Variants in CNTNAP5 observed in about 807,000 individuals in gnomAD.
CNTNAP5 encodes contactin-associated protein-like 5.
CNTNAP5 carries 72 observed loss-of-function variants against 150.2 expected under a neutral mutation model. The observed-to-expected ratio is 0.48, with a 90% CI of 0.40 to 0.58. The LOEUF is 0.58. Ranked by LOEUF, CNTNAP5 falls within the 20% of genes least tolerant of loss-of-function variation. The probability of loss-of-function intolerance (pLI) is 0.00; values close to 1 mark genes in which losing one functional copy is unlikely to be tolerated. For missense variants in CNTNAP5, 1,636 were observed against 1,626.2 expected, an observed-to-expected ratio of 1.01 and a Z score of -0.10; for synonymous variants, 672 against 619.8, an observed-to-expected ratio of 1.08 and a Z score of -1.25.
chr2:124,413,816 G>A, intron 3 of CNTNAP5, among the ~76,000 whole-genome samples: 1 of 133,246 alleles, frequency 7.5e-6, no homozygotes, highest in South Asian at 2.6e-4. Context: ...CACCAGCATG[G>A]CACATGTATA....
intron 1 of CNTNAP5, among the ~76,000 whole-genome samples, chr2:124,085,613 TG>T (rs1236648023): frequency 4.6e-5 from 7 of 152,362 alleles, no homozygotes; most frequent in African/African-American, 1.7e-4. Context: ...ATGATTGACT[TG>T]AACTCTTTTC....
At chr2:124,320,110 T>C (rs1356280895) in intron 3 of CNTNAP5, among the ~76,000 whole-genome samples, 1 of 152,244 alleles carries the variant, frequency 6.6e-6, no homozygotes, top group Non-Finnish European at 1.5e-5. Context: ...ATTTACGTCG[T>C]AACATACAAT....
chr2:124,677,874 C>T (rs531116947), intron 13 of CNTNAP5, among the ~76,000 whole-genome samples: 51 of 151,932 alleles, frequency 3.4e-4, no homozygotes, highest in South Asian at 2.9e-3. Flanking sequence ...ATAATTCAGC[C>T]GAGAGACCAA....
chr2:124,150,105 A>G (rs1684369027), intron 1 of CNTNAP5, among the ~76,000 whole-genome samples: 1 of 152,214 alleles, frequency 6.6e-6, no homozygotes, highest in Non-Finnish European at 1.5e-5. Context: ...AAGGGATGAA[A>G]TCCTAATCAG....
chr2:124,208,864 T>C (rs751876198), intron 1 of CNTNAP5, among the ~76,000 whole-genome samples: 2 of 152,244 alleles, frequency 1.3e-5, no homozygotes, highest in African/African-American at 4.8e-5. Context: ...ATAGTTATAA[T>C]TGCAAAGCTG....
chr2:124,299,850 C>T (rs964516670), intron 3 of CNTNAP5, among the ~76,000 whole-genome samples: 9 of 152,156 alleles, frequency 5.9e-5, no homozygotes, highest in Non-Finnish European at 1.0e-4. Context: ...TGCCTGGTGT[C>T]TGAGGTCACA....
intron 13 of CNTNAP5, among the ~76,000 whole-genome samples, chr2:124,690,196 A>T (rs193229156): frequency 6.6e-6 from 1 of 152,148 alleles, no homozygotes; most frequent in African/African-American, 2.4e-5. Context: ...AAGGTCTATT[A>T]TAGAAATGTG....
chr2:124,104,650 A>G (rs1683136175), intron 1 of CNTNAP5, among the ~76,000 whole-genome samples: 1 of 152,194 alleles, frequency 6.6e-6, no homozygotes, highest in Admixed American at 6.5e-5. Context: ...GCACTTTCCT[A>G]TAATTTTATT....
chr2:124,068,977 A>C (rs1475228988), intron 1 of CNTNAP5, among the ~76,000 whole-genome samples: 1 of 152,032 alleles, frequency 6.6e-6, no homozygotes, highest in African/African-American at 2.4e-5. Context: ...AGAAATTCTG[A>C]GACATACTCA....
intron 21 of CNTNAP5, among the ~76,000 whole-genome samples, chr2:124,877,531 T>C (rs1026490522): frequency 4.6e-5 from 7 of 152,266 alleles, no homozygotes; most frequent in Non-Finnish European, 7.4e-5. Flanking sequence ...CTCTCATTGA[T>C]ATAAACTTCA....
At chr2:124,176,844 T>TTTTTTTTTTG (rs1685077761) in intron 1 of CNTNAP5, among the ~76,000 whole-genome samples, 1 of 66,444 alleles carries the variant, frequency 1.5e-5, no homozygotes, top group Non-Finnish European at 3.2e-5. Flanking sequence ...TATTGCTGGT[T>TTTTTTTTTTG]TTTTTTTTTT....
At chr2:124,299,977 G>A (rs1419418157) in intron 3 of CNTNAP5, among the ~76,000 whole-genome samples, 2 of 152,118 alleles carry the variant, frequency 1.3e-5, no homozygotes, top group Non-Finnish European at 2.9e-5. Flanking sequence ...TAGTCTGATG[G>A]CTCCAATCTC....
intron 13 of CNTNAP5, among the ~76,000 whole-genome samples, chr2:124,666,941 C>T (rs953087490): frequency 3.9e-5 from 6 of 152,068 alleles, no homozygotes; most frequent in Non-Finnish European, 5.9e-5. Flanking sequence ...TGCATAACTA[C>T]AGCAAAGAAC....
chr2:124,265,378 C>T (rs1398286458), intron 3 of CNTNAP5, among the ~76,000 whole-genome samples: 2 of 152,130 alleles, frequency 1.3e-5, no homozygotes, highest in African/African-American at 4.8e-5. Context: ...ATGCTAATAA[C>T]GGCTCGCTGA....
At chr2:124,301,287 C>G (rs181145772) in intron 3 of CNTNAP5, among the ~76,000 whole-genome samples, 2 of 152,160 alleles carry the variant, frequency 1.3e-5, no homozygotes, top group Admixed American at 1.3e-4. Context: ...TAGTATCGAT[C>G]AACGTGTTAA....
In CNTNAP5 at chr2:124,915,851, C is replaced by A. The variant is rs1678758453; in HGVS notation, c.*1563C>A. On this transcript the variant is annotated 3_prime_UTR_variant, in exon 24 of 24. Transcript: ENST00000682447. ...CTTGGAGAAAAAGGTAAGGAGAAGA[C>A]AATGTAAATGCTCCAAGATAGTGGA... Among the ~76,000 whole-genome samples, 2 of 151,996 alleles carry A rather than the reference C, an allele frequency of 1.3e-5. No homozygotes were observed. The highest frequency in any genetic ancestry group is 2.1e-4 in the South Asian group (1 of 4,826).
At chr2:124,743,604 C>T (rs555533224) in intron 13 of CNTNAP5, among the ~76,000 whole-genome samples, 3 of 152,236 alleles carry the variant, frequency 2.0e-5, no homozygotes, top group South Asian at 2.1e-4. Context: ...CGACTGAATC[C>T]GTCTCTAGGC....
At chr2:124,179,262 C>T (rs1028532216) in intron 1 of CNTNAP5, among the ~76,000 whole-genome samples, 8 of 152,130 alleles carry the variant, frequency 5.3e-5, no homozygotes, top group African/African-American at 1.9e-4. Context: ...CAGGTTCAAG[C>T]AATTCTCCTG....
chr2:124,819,371 T>C (rs1225384665), intron 19 of CNTNAP5, among the ~76,000 whole-genome samples: 2 of 152,086 alleles, frequency 1.3e-5, no homozygotes, highest in African/African-American at 4.8e-5. Context: ...GGACTCCTAT[T>C]TCTGTTTGGT....
Sources: gnomAD v4.1 joint callset for allele counts (sites outside exome capture counted in the v4.1 genomes callset) on GRCh38, gnomAD v4.1.1 for gene constraint, MANE v1.5 for transcripts, NCBI Gene and HGNC (gene_info 2026-07-23, HGNC 2026-07-21) for gene names.